NUBPL: variants seen among roughly 807,000 people sequenced by gnomAD.
The protein encoded by NUBPL is iron-sulfur cluster transfer protein NUBPL.
Under a neutral mutation model 45.7 loss-of-function variants are expected in NUBPL, and 31 were observed. The ratio of observed to expected loss-of-function variants is 0.68; its 90% CI spans 0.51 to 0.92. The LOEUF (loss-of-function observed/expected upper bound fraction) is 0.92. NUBPL is among the 40% of genes least tolerant of loss of function. NUBPL has a pLI of 0.00. For missense variants in NUBPL, 401 were observed against 398.7 expected, an observed-to-expected ratio of 1.01 and a Z score of -0.05; for synonymous variants, 144 against 140.9, an observed-to-expected ratio of 1.02 and a Z score of -0.15.
rs1476724903 is a variant in NUBPL at position 31,795,007 on chromosome 14, G to A, written c.607+7134G>A. ...ATAGGGAATCCTTTCCCCATTGCTTGTTTTTCTCAGGTTTGTCAAAGATCA... is the reference window on the plus strand; with the variant it reads ...ATAGGGAATCCTTTCCCCATTGCTTATTTTTCTCAGGTTTGTCAAAGATCA... On this transcript the variant is annotated intron_variant, in intron 7 of 10. Transcript: ENST00000281081. 1.3e-4 allele frequency among the ~76,000 whole-genome samples: 18 copies of A among 143,748 alleles called. No homozygotes were observed. The East Asian group carries it at 1.9e-3, about 15-fold the overall frequency. The allele number at this position is 143,748 out of a possible 152,430, so 94.3% of individuals were successfully genotyped here.
At chr14:31,735,442 T>C (rs2038144061) in intron 6 of NUBPL, among the ~76,000 whole-genome samples, 1 of 152,168 alleles carries the variant, frequency 6.6e-6, no homozygotes, top group East Asian at 1.9e-4. Flanking sequence ...CCAAACACTA[T>C]ATGGTTCAAA....
At chr14:31,716,175 A>G (rs8007984) in intron 6 of NUBPL, among the ~76,000 whole-genome samples, 44,924 of 152,080 alleles carry the variant, frequency 0.3, 7,511 homozygotes, top group South Asian at 0.41. Flanking sequence ...TTCCTATGAT[A>G]ACAATGCCTT....
At chr14:31,671,673 A>G (rs552167346) in intron 4 of NUBPL, among the ~76,000 whole-genome samples, 1 of 152,218 alleles carries the variant, frequency 6.6e-6, no homozygotes. Flanking sequence ...TAGTGCTTTC[A>G]AATTAGGTAT....
At chr14:31,566,253 C>T (rs1221100287) in intron 3 of NUBPL, among the ~76,000 whole-genome samples, 1 of 152,032 alleles carries the variant, frequency 6.6e-6, no homozygotes, top group Non-Finnish European at 1.5e-5. Flanking sequence ...CATAGATATT[C>T]ATGTCTTCTG....
intron 4 of NUBPL, among the ~76,000 whole-genome samples, chr14:31,670,295 T>G (rs4981879): frequency 1 from 151,644 of 152,250 alleles, 75,521 homozygotes; most frequent in East Asian, 1. Flanking sequence ...AGAAGTGTCT[T>G]TTCATGTCCT....
chr14:31,619,424 A>T (rs765854350), intron 4 of NUBPL, among the ~76,000 whole-genome samples: 1 of 152,204 alleles, frequency 6.6e-6, no homozygotes, highest in Non-Finnish European at 1.5e-5. Context: ...GGCTGTTACC[A>T]GTGATTCCTT....
chr14:31,707,086 T>G (rs1008929100), intron 6 of NUBPL, among the ~76,000 whole-genome samples: 3 of 152,230 alleles, frequency 2.0e-5, no homozygotes, highest in Non-Finnish European at 4.4e-5. Flanking sequence ...CTTAATCGCC[T>G]GGGAGGAACC....
intron 3 of NUBPL, among the ~76,000 whole-genome samples, chr14:31,595,055 G>T (rs976132597): frequency 1.3e-5 from 2 of 152,196 alleles, no homozygotes; most frequent in Non-Finnish European, 2.9e-5. Context: ...AGTATAAATT[G>T]CATTGGAAGA....
intron 6 of NUBPL, among the ~76,000 whole-genome samples, chr14:31,786,582 G>A (rs746772022): frequency 6.6e-6 from 1 of 152,118 alleles, no homozygotes; most frequent in Non-Finnish European, 1.5e-5. Context: ...CTTCTGTGAG[G>A]GCAGGAATCA....
chr14:31,713,285 C>A (rs2037617592), intron 6 of NUBPL, among the ~76,000 whole-genome samples: 1 of 152,156 alleles, frequency 6.6e-6, no homozygotes. Flanking sequence ...TTGAAGTATT[C>A]ATCTTAATTA....
chr14:31,561,921 A>C, intron 1 of NUBPL, 147 bp from the exon 2 acceptor site: 1 of 735,232 alleles, frequency 1.4e-6, no homozygotes, highest in Non-Finnish European at 2.3e-6. Flanking sequence ...TATCAGTAGT[A>C]GTAGGTAAAT....
At chr14:31,738,167 G>T (rs2038203422) in intron 6 of NUBPL, among the ~76,000 whole-genome samples, 1 of 152,070 alleles carries the variant, frequency 6.6e-6, no homozygotes, top group Admixed American at 6.6e-5. Context: ...GTTTAGTTTT[G>T]CTTACATTAC....
Position 31,655,759 on chromosome 14 carries a change from T to A in NUBPL, c.383-17596T>A, listed in dbSNP as rs368753525. Among the ~76,000 whole-genome samples, 183 of 152,330 alleles carry A rather than the reference T, an allele frequency of 1.2e-3. 4 individuals are homozygous for A. The South Asian group carries it at 0.036, about 30-fold the overall frequency. ...ATGCTGTGCTGTCAGCCAGGCTTTA[T>A]TTTTCCATTTATAGAGCACAGGCAG... On this transcript the variant is annotated intron_variant, in intron 4 of 10. Transcript: ENST00000281081.
chr14:31,654,125 T>A (rs1293899998), intron 4 of NUBPL: 1 of 453,960 alleles, frequency 2.2e-6, no homozygotes, highest in Admixed American at 2.3e-5. Flanking sequence ...AAAGCAAGTG[T>A]CTCAATAAAG....
At chr14:31,834,418 A>T (rs1483511365) in intron 8 of NUBPL, among the ~76,000 whole-genome samples, 1 of 152,022 alleles carries the variant, frequency 6.6e-6, no homozygotes, top group African/African-American at 2.4e-5. Flanking sequence ...TGACTTCATG[A>T]TCTGCCCACC....
At chr14:31,675,040 G>A (rs1337468005) in intron 6 of NUBPL, among the ~76,000 whole-genome samples, 2 of 152,014 alleles carry the variant, frequency 1.3e-5, no homozygotes, top group African/African-American at 4.8e-5. Context: ...GGGAGGCTGA[G>A]GCAGGAGAAT....
intron 6 of NUBPL, among the ~76,000 whole-genome samples, chr14:31,761,396 A>G (rs966341217): frequency 1.3e-5 from 2 of 152,158 alleles, no homozygotes; most frequent in Non-Finnish European, 2.9e-5. Flanking sequence ...TTTAATTACA[A>G]AGAAAATATA....
chr14:31,668,599 G>A (rs568457415), intron 4 of NUBPL, among the ~76,000 whole-genome samples: 5 of 152,274 alleles, frequency 3.3e-5, no homozygotes, highest in Non-Finnish European at 5.9e-5. Context: ...TGCCATTGGG[G>A]TATGAAAAAA....
chr14:31,746,677 C>T (rs2038405872), intron 6 of NUBPL, among the ~76,000 whole-genome samples: 1 of 151,896 alleles, frequency 6.6e-6, no homozygotes, highest in Admixed American at 6.6e-5. Context: ...GTTTTGGTAT[C>T]AGAGTAGTGC....
Sources: gnomAD v4.1 joint callset for allele counts (sites outside exome capture counted in the v4.1 genomes callset) on GRCh38, gnomAD v4.1.1 for gene constraint, MANE v1.5 for transcripts, NCBI Gene and HGNC (gene_info 2026-07-23, HGNC 2026-07-21) for gene names.